The following CDH13 variants were observed in gnomAD, a reference collection of about 807,000 sequenced individuals.
The protein encoded by CDH13 is cadherin-13.
In CDH13, 24 loss-of-function variants were observed where a neutral mutation model predicts 63.8. The ratio of observed to expected loss-of-function variants is 0.38; its 90% CI spans 0.27 to 0.53. The LOEUF is 0.53. Among genes scored for constraint, CDH13 ranks in the 20% least tolerant of loss-of-function variants. The probability of loss-of-function intolerance (pLI) is 0.85; values close to 1 mark genes in which losing one functional copy is unlikely to be tolerated. For missense variants in CDH13, 1,049 were observed against 903.1 expected (o/e 1.16, Z -2.07); for synonymous variants, 503 against 355.3 (o/e 1.42, Z -4.67).
chr16:83,677,629 C>G (rs1042720331), intron 9 of CDH13, among the ~76,000 whole-genome samples: 4 of 152,114 alleles, frequency 2.6e-5, no homozygotes, highest in African/African-American at 9.7e-5. Flanking sequence ...ACATAGAGAC[C>G]CTTTAACTTC....
intron 2 of CDH13, among the ~76,000 whole-genome samples, chr16:82,906,548 G>T (rs1010793290): frequency 4.6e-5 from 7 of 152,172 alleles, no homozygotes; most frequent in African/African-American, 1.7e-4. Flanking sequence ...GTTTCTCATT[G>T]CCAGGATTTT....
chr16:83,375,603 C>A (rs540745609), intron 6 of CDH13, among the ~76,000 whole-genome samples: 1 of 152,136 alleles, frequency 6.6e-6, no homozygotes, highest in East Asian at 1.9e-4. Context: ...TGTGTTAAGT[C>A]CTAGAAGAGA....
intron 1 of CDH13, among the ~76,000 whole-genome samples, chr16:82,696,406 C>G (rs1341782597): frequency 2.0e-5 from 3 of 152,100 alleles, no homozygotes; most frequent in Non-Finnish European, 4.4e-5. Flanking sequence ...AAAAGTAAAA[C>G]TCAATGGGAA....
At chr16:83,223,888 G>C (rs1311974876) in intron 5 of CDH13, among the ~76,000 whole-genome samples, 1 of 152,128 alleles carries the variant, frequency 6.6e-6, no homozygotes, top group Non-Finnish European at 1.5e-5. Context: ...TTGGTTGCAT[G>C]AGTAAGTTCT....
intron 1 of CDH13, among the ~76,000 whole-genome samples, chr16:82,645,961 G>C (rs11150484): frequency 0.23 from 35,531 of 152,198 alleles, 4,353 homozygotes; most frequent in Non-Finnish European, 0.27. Flanking sequence ...ACTTTTGGGG[G>C]TTATCTGTTC....
At chr16:83,572,667 C>G (rs1292451339) in intron 7 of CDH13, among the ~76,000 whole-genome samples, 1 of 152,152 alleles carries the variant, frequency 6.6e-6, no homozygotes, top group African/African-American at 2.4e-5. Context: ...TGGCCACTTC[C>G]GGGACATGGG....
At chr16:83,334,735 G>A (rs1225115659) in intron 5 of CDH13, among the ~76,000 whole-genome samples, 2 of 152,088 alleles carry the variant, frequency 1.3e-5, no homozygotes, top group Admixed American at 6.5e-5. Flanking sequence ...ACCTTAATTT[G>A]GGAGGTGGAG....
At chr16:83,487,121 C>T (rs982065576) in intron 7 of CDH13, among the ~76,000 whole-genome samples, 1 of 152,156 alleles carries the variant, frequency 6.6e-6, no homozygotes, top group East Asian at 1.9e-4. Flanking sequence ...CCCTTGAACC[C>T]CTCTCTTCCT....
At chr16:83,529,338 T>C (rs867598382) in intron 7 of CDH13, among the ~76,000 whole-genome samples, 3 of 152,152 alleles carry the variant, frequency 2.0e-5, no homozygotes, top group Admixed American at 1.3e-4. Context: ...TTCTGAAAAC[T>C]AGCCTAAAAA....
intron 1 of CDH13, among the ~76,000 whole-genome samples, chr16:82,706,118 C>T (rs2031471694): frequency 6.6e-6 from 1 of 152,024 alleles, no homozygotes; most frequent in Non-Finnish European, 1.5e-5. Context: ...CTCCTCCCTT[C>T]TCTCCTCCCC....
intron 1 of CDH13, among the ~76,000 whole-genome samples, chr16:82,722,122 C>A (rs1289174377): frequency 6.6e-6 from 1 of 152,102 alleles, no homozygotes; most frequent in African/African-American, 2.4e-5. Context: ...AATGTTGTTT[C>A]AATTTAATTC....
intron 11 of CDH13, among the ~76,000 whole-genome samples, chr16:83,767,312 A>G: frequency 6.6e-6 from 1 of 152,150 alleles, no homozygotes; most frequent in East Asian, 1.9e-4. Flanking sequence ...GAGTAATGGA[A>G]TCATGGGGGC....
At chr16:83,386,453 A>G (rs1567635227) in intron 6 of CDH13, among the ~76,000 whole-genome samples, 1 of 152,202 alleles carries the variant, frequency 6.6e-6, no homozygotes, top group Non-Finnish European at 1.5e-5. Flanking sequence ...GGAAGCAACT[A>G]TATTTTTGAT....
intron 2 of CDH13, among the ~76,000 whole-genome samples, chr16:82,913,962 G>A (rs1267700653): frequency 6.6e-6 from 1 of 151,744 alleles, no homozygotes; most frequent in African/African-American, 2.4e-5. Flanking sequence ...AGACAGCGCT[G>A]GGGGATGTAG....
chr16:83,720,440 C>G (rs1909539878), intron 10 of CDH13, among the ~76,000 whole-genome samples: 1 of 152,114 alleles, frequency 6.6e-6, no homozygotes, highest in East Asian at 1.9e-4. Flanking sequence ...CAGCATTATG[C>G]CAAGCACAAG....
intron 5 of CDH13, among the ~76,000 whole-genome samples, chr16:83,313,741 C>G (rs529111298): frequency 6.6e-6 from 1 of 151,368 alleles, no homozygotes; most frequent in African/African-American, 2.4e-5. Context: ...TTACAATTGC[C>G]TTTTTTCCCA....
At chr16:83,406,454 TC>T (rs1216257799) in intron 6 of CDH13, among the ~76,000 whole-genome samples, 13 of 149,916 alleles carry the variant, frequency 8.7e-5, no homozygotes, top group Admixed American at 3.3e-4. Flanking sequence ...CTCCCCTTTC[TC>T]TTTTTCTCTC....
At chr16:83,159,853 T>C (rs2037372291) in intron 4 of CDH13, among the ~76,000 whole-genome samples, 2 of 152,050 alleles carry the variant, frequency 1.3e-5, no homozygotes, top group Non-Finnish European at 2.9e-5. Flanking sequence ...GGCTAGTGGA[T>C]CACTTGAGGC....
chr16:83,121,675 GC>G (rs1320340255), intron 3 of CDH13, among the ~76,000 whole-genome samples: 3 of 152,174 alleles, frequency 2.0e-5, no homozygotes, highest in African/African-American at 7.2e-5. Flanking sequence ...TTCCATTTTT[GC>G]CCCTTATAAA....
Sources: allele counts gnomAD v4.1 joint callset (sites outside exome capture counted in the v4.1 genomes callset), GRCh38; gene constraint gnomAD v4.1.1; transcripts MANE v1.5; gene names NCBI Gene and HGNC (gene_info 2026-07-23, HGNC 2026-07-21).